DCC: variants seen among roughly 807,000 people sequenced by gnomAD.
DCC encodes the protein DCC netrin 1 receptor, also known as netrin receptor DCC.
Under a neutral mutation model 172.5 loss-of-function variants are expected in DCC, and 58 were observed. The observed-to-expected ratio is 0.34, with a 90% CI of 0.27 to 0.42. The LOEUF is 0.42. Among genes scored for constraint, DCC ranks in the 10% least tolerant of loss-of-function variants. The pLI is 1.00. For synonymous variants in DCC, 709 were observed against 644.5 expected (o/e 1.10, Z -1.52); for missense variants, 1,740 against 1,791.0 (o/e 0.97, Z 0.51).
chr18:52,781,993 T>G (rs371520946), intron 2 of DCC, among the ~76,000 whole-genome samples: 5 of 152,150 alleles, frequency 3.3e-5, no homozygotes, highest in African/African-American at 1.2e-4. Context: ...GCAAGAAGAA[T>G]GTATGACTTT....
chr18:53,356,045 T>C (rs892879021), intron 15 of DCC, among the ~76,000 whole-genome samples: 1 of 152,082 alleles, frequency 6.6e-6, no homozygotes, highest in African/African-American at 2.4e-5. Context: ...GATACCTTAT[T>C]TTATTTTATT....
At chr18:52,632,711 G>A (rs768362389) in intron 1 of DCC, among the ~76,000 whole-genome samples, 2 of 152,066 alleles carry the variant, frequency 1.3e-5, no homozygotes, top group African/African-American at 2.4e-5. Context: ...GTGGTTTCAC[G>A]CTCCTATTTG....
intron 1 of DCC, among the ~76,000 whole-genome samples, chr18:52,343,988 T>TC (rs1374070300): frequency 6.6e-6 from 1 of 152,226 alleles, no homozygotes; most frequent in Non-Finnish European, 1.5e-5. Context: ...GCAGCTGCCC[T>TC]CTGAGTTATA....
chr18:53,436,782 T>G (rs7233951), intron 22 of DCC, among the ~76,000 whole-genome samples: 1 of 152,126 alleles, frequency 6.6e-6, no homozygotes, highest in East Asian at 1.9e-4. Flanking sequence ...TACCCCAGAT[T>G]TGGGGTAACT....
At chr18:52,683,738 ATC>A (rs2035786197) in intron 1 of DCC, among the ~76,000 whole-genome samples, 3 of 152,064 alleles carry the variant, frequency 2.0e-5, no homozygotes, top group African/African-American at 7.2e-5. Flanking sequence ...CCAATTTGCA[ATC>A]CCAGTACCTT....
chr18:53,450,738 C>T (rs1160794511), intron 23 of DCC, 76 bp downstream of exon 23: 40 of 1,222,120 alleles, frequency 3.3e-5, no homozygotes, highest in Non-Finnish European at 4.4e-5. Flanking sequence ...CCTCTTTCTG[C>T]GTTCTTTCAT....
intron 5 of DCC, among the ~76,000 whole-genome samples, chr18:52,948,953 C>T (rs2040592679): frequency 6.6e-6 from 1 of 152,198 alleles, no homozygotes; most frequent in Non-Finnish European, 1.5e-5. Flanking sequence ...CTCTAGATGT[C>T]ATGCTTGTAA....
chr18:52,888,295 G>A lies in DCC; in HGVS notation c.413-17749G>A, dbSNP rs939672397. The stretch of plus-strand genomic sequence containing the variant: ...AAGAGATTTACACCCTCTGATTTCT[G>A]TATTAACAACAAGGACAAAACAGTA... On this transcript the variant is annotated intron_variant, in intron 2 of 28. Transcript: ENST00000442544. Among the ~76,000 whole-genome samples, 7 of 152,266 alleles carry A rather than the reference G, an allele frequency of 4.6e-5. No individual in the cohort carries two copies. In the East Asian group the frequency reaches 1.4e-3, roughly 29 times the overall value.
chr18:52,438,038 AG>A (rs1255407003), intron 1 of DCC, among the ~76,000 whole-genome samples: 1 of 152,232 alleles, frequency 6.6e-6, no homozygotes, highest in Non-Finnish European at 1.5e-5. Context: ...GCTTTCAGGT[AG>A]AACAGCAATA....
At chr18:52,650,643 C>T (rs964666988) in intron 1 of DCC, among the ~76,000 whole-genome samples, 14 of 152,116 alleles carry the variant, frequency 9.2e-5, no homozygotes, top group African/African-American at 3.4e-4. Context: ...GATAAATAAA[C>T]AGGTTGTCTG....
chr18:53,343,115 A>T (rs1192152514), intron 15 of DCC, among the ~76,000 whole-genome samples: 7 of 151,872 alleles, frequency 4.6e-5, no homozygotes, highest in African/African-American at 1.7e-4. Context: ...TATCTATGTG[A>T]ACAGAAAGTT....
At chr18:53,439,641 T>A (rs1442232726) in intron 22 of DCC, among the ~76,000 whole-genome samples, 2 of 152,170 alleles carry the variant, frequency 1.3e-5, no homozygotes, top group East Asian at 3.9e-4. Flanking sequence ...AAAACCAAAC[T>A]ATAGTTCATG....
chr18:52,877,367 GGTGT>G (rs144550415), intron 2 of DCC, among the ~76,000 whole-genome samples: 2,252 of 152,010 alleles, frequency 0.015, 41 homozygotes, highest in African/African-American at 0.037. Context: ...GAGGGAGGAG[GGTGT>G]GTGTGTGTGT....
chr18:53,135,511 T>C (rs2043727634), intron 7 of DCC, among the ~76,000 whole-genome samples: 1 of 152,136 alleles, frequency 6.6e-6, no homozygotes, highest in Admixed American at 6.6e-5. Context: ...ATTGCAGGAA[T>C]TATTTTCTGC....
At chr18:52,960,410 C>T (rs2040823543) in intron 5 of DCC, among the ~76,000 whole-genome samples, 1 of 152,090 alleles carries the variant, frequency 6.6e-6, no homozygotes, top group Non-Finnish European at 1.5e-5. Flanking sequence ...CTTTTAATGT[C>T]TACATTTTTA....
intron 1 of DCC, among the ~76,000 whole-genome samples, chr18:52,358,799 C>T (rs913832351): frequency 6.6e-6 from 1 of 152,146 alleles, no homozygotes; most frequent in Non-Finnish European, 1.5e-5. Context: ...TGCTGGCTTT[C>T]ATGTCCCCAG....
chr18:52,675,862 T>C (rs1376669210), intron 1 of DCC, among the ~76,000 whole-genome samples: 1 of 152,228 alleles, frequency 6.6e-6, no homozygotes, highest in African/African-American at 2.4e-5. Flanking sequence ...TTTTAACATA[T>C]TGAATAAGTA....
intron 2 of DCC, among the ~76,000 whole-genome samples, chr18:52,858,474 G>T (rs1022142371): frequency 4.6e-5 from 7 of 152,132 alleles, no homozygotes; most frequent in African/African-American, 1.7e-4. Context: ...GGGTGCTCAG[G>T]ACTGCCCTAG....
At chr18:53,388,442 C>T (rs921701143) in intron 16 of DCC, among the ~76,000 whole-genome samples, 8 of 152,184 alleles carry the variant, frequency 5.3e-5, no homozygotes, top group Admixed American at 4.6e-4. Context: ...CAAAATATAT[C>T]ACAGGCAATA....
Sources: gnomAD v4.1 joint callset for allele counts (sites outside exome capture counted in the v4.1 genomes callset) on GRCh38, gnomAD v4.1.1 for gene constraint, MANE v1.5 for transcripts, NCBI Gene and HGNC (gene_info 2026-07-23, HGNC 2026-07-21) for gene names.